Variants in ANKFN1 observed in about 807,000 individuals in gnomAD.
ANKFN1 encodes the protein ankyrin repeat and fibronectin type III domain containing 1.
A neutral mutation model predicts 108.7 loss-of-function variants in ANKFN1; 74 were observed. The observed-to-expected ratio is 0.68, with a 90% CI of 0.56 to 0.83. ANKFN1 has a LOEUF of 0.83. ANKFN1 is among the 40% of genes least tolerant of loss of function. The pLI, the probability that ANKFN1 is intolerant of heterozygous loss-of-function variation, is 0.00. For missense variants in ANKFN1, 1,505 were observed against 1,382.3 expected, an observed-to-expected ratio of 1.09 and a Z score of -1.41; for synonymous variants, 547 against 516.2, an observed-to-expected ratio of 1.06 and a Z score of -0.81.
At chr17:56,208,867 C>G (rs1199615488) in intron 1 of ANKFN1, among the ~76,000 whole-genome samples, 1 of 151,780 alleles carries the variant, frequency 6.6e-6, no homozygotes, top group Non-Finnish European at 1.5e-5. Context: ...AGTCATGATG[C>G]CTCTTTTATT....
chr17:56,459,316 G>A (rs1270655851), intron 14 of ANKFN1, among the ~76,000 whole-genome samples: 2 of 152,128 alleles, frequency 1.3e-5, no homozygotes, highest in East Asian at 3.9e-4. Flanking sequence ...TTACCGTGTA[G>A]GCCAGGCTGG....
intron 19 of ANKFN1, 100 bp from the exon 20 acceptor site, chr17:56,498,782 C>A: frequency 1.1e-6 from 1 of 931,870 alleles, no homozygotes; most frequent in Non-Finnish European, 1.6e-6. Flanking sequence ...TGCTCAAAGC[C>A]AATATTGCGG....
intron 4 of ANKFN1, among the ~76,000 whole-genome samples, chr17:56,052,857 A>G (rs1904802058): frequency 6.6e-6 from 1 of 152,226 alleles, no homozygotes; most frequent in Admixed American, 6.5e-5. Context: ...ATAAGAAGGC[A>G]TTGCAGAAGA....
At chr17:56,145,603 A>G (rs952883242) in intron 4 of ANKFN1, among the ~76,000 whole-genome samples, 2 of 152,100 alleles carry the variant, frequency 1.3e-5, no homozygotes, top group South Asian at 4.1e-4. Context: ...CCCATGATTC[A>G]ATTACCTCCA....
chr17:56,456,712 G>A (rs899185935), intron 11 of ANKFN1, 149 bp from the exon 12 acceptor site: 6 of 665,072 alleles, frequency 9.0e-6, no homozygotes, highest in African/African-American at 7.2e-5. Context: ...GCTTCTTATA[G>A]GCATGAATGA....
intron 4 of ANKFN1, among the ~76,000 whole-genome samples, chr17:56,126,064 A>G (rs986997307): frequency 1.3e-5 from 2 of 152,196 alleles, no homozygotes; most frequent in Non-Finnish European, 2.9e-5. Flanking sequence ...GGGAACGAGG[A>G]TCCCAGCCAG....
intron 3 of ANKFN1, among the ~76,000 whole-genome samples, chr17:56,274,476 A>T (rs1050257675): frequency 1.3e-4 from 20 of 152,164 alleles, no homozygotes; most frequent in Non-Finnish European, 2.4e-4. Context: ...CCGCCTCAAA[A>T]AAATAATAAT....
chr17:56,345,421 C>T (rs1400143809), intron 4 of ANKFN1, among the ~76,000 whole-genome samples: 1 of 151,794 alleles, frequency 6.6e-6, no homozygotes, highest in Non-Finnish European at 1.5e-5. Context: ...AATGGGATCA[C>T]TGGGTCAAAT....
intron 8 of ANKFN1, among the ~76,000 whole-genome samples, chr17:56,399,843 T>TATATATA (rs1555645720): frequency 1.9e-4 from 12 of 64,762 alleles, no homozygotes; most frequent in African/African-American, 2.4e-4. Flanking sequence ...ATTCCATTTT[T>TATATATA]TATATATATA....
chr17:56,092,386 T>C (rs985333953), intron 4 of ANKFN1, among the ~76,000 whole-genome samples: 4 of 149,034 alleles, frequency 2.7e-5, no homozygotes, highest in African/African-American at 7.4e-5. Context: ...GTGATTCTCC[T>C]GCCTCAGCCT....
intron 4 of ANKFN1, among the ~76,000 whole-genome samples, chr17:56,115,189 C>A (rs1316991239): frequency 1.3e-5 from 2 of 152,202 alleles, no homozygotes; most frequent in African/African-American, 4.8e-5. Flanking sequence ...AGCAGTTACT[C>A]TTCTTGTTAT....
At chr17:56,049,751 A>G (rs1598082455) in intron 4 of ANKFN1, among the ~76,000 whole-genome samples, 1 of 147,698 alleles carries the variant, frequency 6.8e-6, no homozygotes, top group Admixed American at 6.7e-5. Context: ...ATAGTATTCC[A>G]TGGTGTATAT....
At position 56,088,942 on chromosome 17, in the gene ANKFN1, G is replaced by C. The variant is rs1029802594; in HGVS notation, c.288+42617G>C. Among the ~76,000 whole-genome samples the C allele has an allele frequency of 1.8e-4, 27 of 151,392 alleles. 1 individual carries two copies. Among genetic ancestry groups the C allele is most frequent in the African/African-American group, 6.5e-4 (27 of 41,324 alleles). ...ATCAATTCTGGCTTGGTCTAGCATG[G>C]CTTAGAGGAGGGTGGCCACAGCCAG... On this transcript the variant is annotated intron_variant, in intron 4 of 12. Transcript: ENST00000635860.
chr17:56,046,890 A>G (rs1904687434), intron 4 of ANKFN1, among the ~76,000 whole-genome samples: 2 of 152,220 alleles, frequency 1.3e-5, no homozygotes, highest in South Asian at 2.1e-4. Flanking sequence ...CATGAGTTGC[A>G]TTTTACCCAT....
At chr17:56,130,265 T>TC (rs892230739) in intron 4 of ANKFN1, among the ~76,000 whole-genome samples, 2 of 152,208 alleles carry the variant, frequency 1.3e-5, no homozygotes, top group Non-Finnish European at 2.9e-5. Flanking sequence ...TGGCAGGCCC[T>TC]CGCTGGCAGT....
In ANKFN1 at chr17:56,515,696, A is replaced by G. The variant is rs1223302781; in HGVS notation, c.*4427A>G. 6.6e-6 allele frequency among the ~76,000 whole-genome samples: 1 copy of G among 152,228 alleles called. No homozygotes were observed. Among genetic ancestry groups the G allele is most frequent in the Non-Finnish European group, 1.5e-5 (1 of 68,038 alleles). Reference sequence around the variant, plus strand: ...TTGAACTTTGCCATTAGCAAAAAGTATTTTTAGAAAAATCCATTGACTGTT... The same window carrying G: ...TTGAACTTTGCCATTAGCAAAAAGTGTTTTTAGAAAAATCCATTGACTGTT... On this transcript the variant is annotated 3_prime_UTR_variant, in exon 21 of 21. Coordinates refer to ENST00000682825, the MANE Select transcript of ANKFN1 (RefSeq NM_001370326.1).
chr17:56,282,063 G>A (rs917176010), intron 3 of ANKFN1, among the ~76,000 whole-genome samples: 1 of 152,012 alleles, frequency 6.6e-6, no homozygotes, highest in Non-Finnish European at 1.5e-5. Context: ...ATTCATCATA[G>A]CCCCAAAGTG....
intron 4 of ANKFN1, among the ~76,000 whole-genome samples, chr17:56,112,091 T>G (rs954458240): frequency 9.9e-5 from 15 of 152,244 alleles, no homozygotes; most frequent in Non-Finnish European, 2.1e-4. Context: ...CAAAAAATTG[T>G]TATAGTGATA....
chr17:56,394,157 C>T (rs1407099882), intron 8 of ANKFN1, among the ~76,000 whole-genome samples: 1 of 152,146 alleles, frequency 6.6e-6, no homozygotes, highest in Non-Finnish European at 1.5e-5. Context: ...TGTCCAACAC[C>T]CTTCTTTCAG....
Sources: allele counts gnomAD v4.1 joint callset (sites outside exome capture counted in the v4.1 genomes callset), GRCh38; gene constraint gnomAD v4.1.1; transcripts MANE v1.5; gene names NCBI Gene and HGNC (gene_info 2026-07-23, HGNC 2026-07-21).